The following CDIN1 variants were observed in gnomAD, a reference collection of about 807,000 sequenced individuals.
CDIN1 encodes the protein CDAN1 interacting nuclease 1, also known as CDAN1-interacting nuclease 1.
A neutral mutation model predicts 45.3 loss-of-function variants in CDIN1; 33 were observed. That is an observed-to-expected ratio of 0.73 (90% CI 0.55 to 0.97). The LOEUF is 0.97. Ranked by LOEUF, CDIN1 falls within the 50% of genes least tolerant of loss-of-function variation. The pLI is 0.00. For missense variants in CDIN1, 303 were observed against 339.4 expected (o/e 0.89, Z 0.84); for synonymous variants, 118 against 124.4 (o/e 0.95, Z 0.34).
intron 10 of CDIN1, chr15:36,734,487 C>T: frequency 9.5e-6 from 3 of 314,384 alleles, no homozygotes; most frequent in East Asian, 7.8e-5. Flanking sequence ...TGAATTACAG[C>T]AGAGAAGGTT....
At chr15:36,760,562 TTA>T (rs2053732305) in intron 10 of CDIN1, among the ~76,000 whole-genome samples, 1 of 152,168 alleles carries the variant, frequency 6.6e-6, no homozygotes, top group African/African-American at 2.4e-5. Flanking sequence ...CAAAGAAAGG[TTA>T]TGTGTTGTTC....
intron 10 of CDIN1, among the ~76,000 whole-genome samples, chr15:36,746,752 C>CTT (rs760613983): frequency 0.029 from 2,164 of 74,346 alleles, 472 homozygotes; most frequent in African/African-American, 0.12. Context: ...GGAAACGTGT[C>CTT]TTTTTTTTTT....
intron 10 of CDIN1, among the ~76,000 whole-genome samples, chr15:36,741,231 A>T (rs1190845097): frequency 1.3e-5 from 2 of 152,192 alleles, no homozygotes; most frequent in South Asian, 2.1e-4. Flanking sequence ...CCTCTACTTT[A>T]TGAGGAATTG....
intron 10 of CDIN1, among the ~76,000 whole-genome samples, chr15:36,720,136 G>A (rs950180373): frequency 2.7e-5 from 4 of 148,028 alleles, no homozygotes; most frequent in African/African-American, 9.9e-5. Context: ...TTTTCTTTTT[G>A]TGTATTAATT....
intron 10 of CDIN1, among the ~76,000 whole-genome samples, chr15:36,748,089 A>G (rs1455656758): frequency 2.0e-5 from 3 of 152,142 alleles, no homozygotes; most frequent in Admixed American, 6.5e-5. Context: ...TTGGTCTCTC[A>G]TTTGTATGAC....
intron 10 of CDIN1, among the ~76,000 whole-genome samples, chr15:36,779,848 A>G (rs1267100561): frequency 6.6e-6 from 1 of 152,202 alleles, no homozygotes; most frequent in Non-Finnish European, 1.5e-5. Context: ...CTAAGTTGGT[A>G]CATCAAGTAG....
At chr15:36,737,940 A>G (rs963790238) in intron 10 of CDIN1, among the ~76,000 whole-genome samples, 6 of 152,178 alleles carry the variant, frequency 3.9e-5, no homozygotes, top group African/African-American at 1.4e-4. Context: ...ACCTGTCCAC[A>G]ACATTTGACA....
In CDIN1 at chr15:36,682,834, G is replaced by A. The variant is rs543416690; in HGVS notation, c.347-8851G>A. 6.7e-4 allele frequency among the ~76,000 whole-genome samples: 101 copies of A among 149,912 alleles called. 1 individual carries two copies. The highest frequency in any genetic ancestry group is 1.9e-3 in the African/African-American group (78 of 40,838). On this transcript the variant is annotated intron_variant, in intron 5 of 10. Coordinates refer to ENST00000566621, the MANE Select transcript of CDIN1 (RefSeq NM_001321759.2). The stretch of plus-strand genomic sequence containing the variant: ...TGACCAAATATCTGGGTACCCCATC[G>A]CCCAGTCAAGTTGACACATAAAATT...
chr15:36,709,740 A>T lies in CDIN1; in HGVS notation c.611-116A>T. On this transcript the variant is annotated intron_variant, in intron 9 of 10. Transcript: ENST00000566621. ...TGTTTTGTAATTACATTTATAGATGATGGTAAGGGCTAAGCCTGTGCTCAT... is the reference window on the plus strand; with the variant it reads ...TGTTTTGTAATTACATTTATAGATGTTGGTAAGGGCTAAGCCTGTGCTCAT... The T allele has an allele frequency of 2.9e-6, 2 of 685,330 alleles. 1 individual carries two copies. Among genetic ancestry groups the T allele is most frequent in the South Asian group, 4.0e-5 (2 of 49,832 alleles). The allele number at this position is 685,330 out of a possible 1,614,324, so 42.5% of individuals were successfully genotyped here.
intron 1 of CDIN1, chr15:36,617,930 T>G: frequency 1.3e-6 from 1 of 763,938 alleles, no homozygotes; most frequent in Non-Finnish European, 2.4e-6. Context: ...TGCTAAGAAT[T>G]GTTACTAATT....
chr15:36,613,198 A>G (rs911850327), intron 1 of CDIN1, among the ~76,000 whole-genome samples: 43 of 152,132 alleles, frequency 2.8e-4, no homozygotes, highest in African/African-American at 7.5e-4. Context: ...GTGAGTTGCA[A>G]TGTTTTTACA....
intron 10 of CDIN1, among the ~76,000 whole-genome samples, chr15:36,785,400 C>T (rs1477421352): frequency 6.6e-6 from 1 of 152,284 alleles, no homozygotes; most frequent in East Asian, 1.9e-4. Flanking sequence ...CCTGGTTGTT[C>T]AGTTGAAAAG....
At chr15:36,626,112 G>C (rs1163853232) in intron 1 of CDIN1, among the ~76,000 whole-genome samples, 5 of 151,094 alleles carry the variant, frequency 3.3e-5, no homozygotes, top group Non-Finnish European at 7.4e-5. Flanking sequence ...TGTTAAAATT[G>C]CATGTATTAA....
intron 10 of CDIN1, among the ~76,000 whole-genome samples, chr15:36,743,600 C>T (rs1482007346): frequency 3.3e-5 from 5 of 152,036 alleles, no homozygotes; most frequent in Non-Finnish European, 5.9e-5. Context: ...TAAAGAGAAA[C>T]CATGAGGCAG....
At chr15:36,720,973 C>T (rs902938428) in intron 10 of CDIN1, among the ~76,000 whole-genome samples, 2 of 152,120 alleles carry the variant, frequency 1.3e-5, no homozygotes, top group Non-Finnish European at 2.9e-5. Flanking sequence ...TGCCATTCTA[C>T]GTGGCATGAG....
At chr15:36,599,404 T>A (rs982481973) in intron 1 of CDIN1, among the ~76,000 whole-genome samples, 4 of 152,220 alleles carry the variant, frequency 2.6e-5, no homozygotes, top group African/African-American at 9.6e-5. Context: ...CACTTTATCA[T>A]GTAGCTGTAA....
At chr15:36,751,102 A>G (rs1266713187) in intron 10 of CDIN1, among the ~76,000 whole-genome samples, 2 of 151,356 alleles carry the variant, frequency 1.3e-5, no homozygotes, top group East Asian at 1.9e-4. Context: ...TGATTTAGGT[A>G]TTTTAAATTT....
At chr15:36,767,904 A>C (rs1237783260) in intron 10 of CDIN1, among the ~76,000 whole-genome samples, 1 of 152,150 alleles carries the variant, frequency 6.6e-6, no homozygotes, top group African/African-American at 2.4e-5. Context: ...CATTTTAAGT[A>C]GTCATTATTA....
chr15:36,654,721 C>G (rs1197034704), intron 4 of CDIN1, among the ~76,000 whole-genome samples: 3 of 152,108 alleles, frequency 2.0e-5, no homozygotes, highest in Admixed American at 6.5e-5. Flanking sequence ...TTCGTTAACT[C>G]TGATCTGCTT....
Sources: allele counts gnomAD v4.1 joint callset (sites outside exome capture counted in the v4.1 genomes callset), GRCh38; gene constraint gnomAD v4.1.1; transcripts MANE v1.5; gene names NCBI Gene and HGNC (gene_info 2026-07-23, HGNC 2026-07-21).